GALNT17: variants seen among roughly 807,000 people sequenced by gnomAD.
The protein encoded by GALNT17 is UDP-GalNAc:polypeptide N-acetylgalactosaminyltransferase-like 3.
In GALNT17, 29 loss-of-function variants were observed where a neutral mutation model predicts 63.7. That is an observed-to-expected ratio of 0.46 (90% CI 0.34 to 0.62). The LOEUF (loss-of-function observed/expected upper bound fraction) is 0.62. GALNT17 is among the 20% of genes least tolerant of loss of function. The pLI is 0.01. For missense variants in GALNT17, 603 were observed against 799.6 expected (o/e 0.75, Z 2.97); for synonymous variants, 305 against 318.3 (o/e 0.96, Z 0.45).
intron 6 of GALNT17, among the ~76,000 whole-genome samples, chr7:71,601,457 G>A (rs1458815652): frequency 6.6e-6 from 1 of 152,000 alleles, no homozygotes; most frequent in Non-Finnish European, 1.5e-5. Flanking sequence ...AGACAGAGCT[G>A]GGAAGAGAGC....
At chr7:71,534,600 A>C (rs1005360240) in intron 5 of GALNT17, among the ~76,000 whole-genome samples, 4 of 36,818 alleles carry the variant, frequency 1.1e-4, no homozygotes, top group African/African-American at 5.9e-4. Context: ...CTCCATCTCA[A>C]AAAAAAAAAA....
intron 5 of GALNT17, among the ~76,000 whole-genome samples, chr7:71,432,856 C>T (rs1041645267): frequency 2.0e-5 from 3 of 152,102 alleles, no homozygotes; most frequent in East Asian, 1.9e-4. Flanking sequence ...ATCACCCAGG[C>T]GGGAGTGCAG....
intron 5 of GALNT17, among the ~76,000 whole-genome samples, chr7:71,556,743 T>A (rs905980747): frequency 6.6e-6 from 1 of 151,896 alleles, no homozygotes; most frequent in Non-Finnish European, 1.5e-5. Flanking sequence ...TTGTTTTGTT[T>A]TGTTTAGAGA....
intron 1 of GALNT17, among the ~76,000 whole-genome samples, chr7:71,304,659 T>C (rs1791257909): frequency 1.3e-5 from 2 of 152,154 alleles, no homozygotes; most frequent in Admixed American, 1.3e-4. Flanking sequence ...GATAAGTTAG[T>C]TTTGCACTTC....
rs538498720 is a variant in GALNT17 at position 71,183,093 on chromosome 7, G to T, written c.238+50053G>T. 2.0e-5 allele frequency among the ~76,000 whole-genome samples: 3 copies of T among 152,264 alleles called. No individual in the cohort carries two copies. The South Asian group carries it at 6.2e-4, about 32-fold the overall frequency. On this transcript the variant is annotated intron_variant, in intron 1 of 10. Transcript: ENST00000333538. ...ATTTCATGACCCAGATGTGCAGAGT[G>T]AAAGGGGCTTTTTCAATGGAGCATC...
chr7:71,216,502 G>T (rs527777377), intron 1 of GALNT17, among the ~76,000 whole-genome samples: 1 of 151,930 alleles, frequency 6.6e-6, no homozygotes, highest in South Asian at 2.1e-4. Context: ...TACCTCCTAG[G>T]GGGTAATGTG....
chr7:71,589,927 G>C (rs1008839421), intron 6 of GALNT17, among the ~76,000 whole-genome samples: 8 of 152,150 alleles, frequency 5.3e-5, no homozygotes, highest in African/African-American at 1.4e-4. Flanking sequence ...CAGTCATATG[G>C]TAGGTGCTAT....
intron 5 of GALNT17, among the ~76,000 whole-genome samples, chr7:71,516,476 A>G (rs7787010): frequency 0.98 from 149,910 of 152,210 alleles, 73,868 homozygotes; most frequent in Middle Eastern, 1. Flanking sequence ...AGTTGATTGC[A>G]GTACACCTGG....
At chr7:71,246,539 A>C (rs1216486214) in intron 1 of GALNT17, among the ~76,000 whole-genome samples, 1 of 149,854 alleles carries the variant, frequency 6.7e-6, no homozygotes, top group Non-Finnish European at 1.5e-5. Flanking sequence ...CATTAAGATT[A>C]TACTTATGAG....
At chr7:71,474,560 T>C (rs924656054) in intron 5 of GALNT17, among the ~76,000 whole-genome samples, 10 of 152,124 alleles carry the variant, frequency 6.6e-5, no homozygotes, top group Non-Finnish European at 4.4e-5. Context: ...ATGAGGAACA[T>C]ATTTTATTCA....
chr7:71,699,752 A>G (rs143830437), intron 9 of GALNT17, among the ~76,000 whole-genome samples: 9 of 151,222 alleles, frequency 6.0e-5, no homozygotes, highest in African/African-American at 1.7e-4. Flanking sequence ...TGGGCAAAAT[A>G]GTGAGACCCT....
At chr7:71,265,449 A>G (rs940178523) in intron 1 of GALNT17, among the ~76,000 whole-genome samples, 3 of 152,032 alleles carry the variant, frequency 2.0e-5, no homozygotes, top group African/African-American at 4.8e-5. Flanking sequence ...TTATGTATCA[A>G]TATTTTTTAA....
chr7:71,421,308 G>T (rs1313036188), intron 5 of GALNT17, among the ~76,000 whole-genome samples: 1 of 152,204 alleles, frequency 6.6e-6, no homozygotes, highest in African/African-American at 2.4e-5. Context: ...AAGTTTTCAA[G>T]TGCAGCTTTC....
intron 5 of GALNT17, among the ~76,000 whole-genome samples, chr7:71,540,781 A>G (rs958640847): frequency 6.6e-6 from 1 of 152,214 alleles, no homozygotes; most frequent in Non-Finnish European, 1.5e-5. Flanking sequence ...CAGGAGATTC[A>G]AACTGCCCCT....
chr7:71,678,270 T>A (rs1165641053), intron 9 of GALNT17, among the ~76,000 whole-genome samples: 1 of 151,668 alleles, frequency 6.6e-6, no homozygotes, highest in Non-Finnish European at 1.5e-5. Flanking sequence ...GATTACAGGC[T>A]TGCACCACCC....
At chr7:71,200,321 G>A (rs1789143258) in intron 1 of GALNT17, among the ~76,000 whole-genome samples, 1 of 152,130 alleles carries the variant, frequency 6.6e-6, no homozygotes, top group Non-Finnish European at 1.5e-5. Flanking sequence ...CTCTGGGTCA[G>A]CCTGCACTGC....
chr7:71,176,727 T>C (rs1788645626), intron 1 of GALNT17, among the ~76,000 whole-genome samples: 1 of 152,112 alleles, frequency 6.6e-6, no homozygotes, highest in African/African-American at 2.4e-5. Context: ...ACTCTGAACC[T>C]GAGTGGAGGT....
At chr7:71,244,813 G>A (rs1036816514) in intron 1 of GALNT17, among the ~76,000 whole-genome samples, 1 of 152,064 alleles carries the variant, frequency 6.6e-6, no homozygotes, top group African/African-American at 2.4e-5. Context: ...AACTGGGCAT[G>A]GTGGTGCACA....
intron 1 of GALNT17, among the ~76,000 whole-genome samples, chr7:71,207,741 T>G (rs111796232): frequency 2.0e-5 from 3 of 152,280 alleles, no homozygotes; most frequent in Non-Finnish European, 2.9e-5. Flanking sequence ...GAGCCTTGTG[T>G]GCCCATTTAT....
Sources: allele counts gnomAD v4.1 joint callset (sites outside exome capture counted in the v4.1 genomes callset), GRCh38; gene constraint gnomAD v4.1.1; transcripts MANE v1.5; gene names NCBI Gene and HGNC (gene_info 2026-07-23, HGNC 2026-07-21).